The following PCDH11X variants were observed in gnomAD, a reference collection of about 807,000 sequenced individuals.
The protein encoded by PCDH11X is protocadherin 11 X-linked.
Under a neutral mutation model 53.3 loss-of-function variants are expected in PCDH11X, and 18 were observed. The observed-to-expected ratio is 0.34, with a 90% CI of 0.23 to 0.50. The LOEUF is 0.50. Among genes scored for constraint, PCDH11X ranks in the 20% least tolerant of loss-of-function variants. PCDH11X has a pLI of 0.98. For synonymous variants in PCDH11X, 279 were observed against 393.3 expected, an observed-to-expected ratio of 0.71 and a Z score of 3.44; for missense variants, 570 against 1,032.4, an observed-to-expected ratio of 0.55 and a Z score of 6.14.
At chrX:91,952,559 A>G (rs1282621614) in intron 6 of PCDH11X, among the ~76,000 whole-genome samples, 1 of 111,280 alleles carries the variant, frequency 9.0e-6, no homozygotes, top group East Asian at 2.8e-4. Context: ...GGGAAAAATC[A>G]TATTTACTTT....
rs1490958243 is a variant in PCDH11X at position 92,101,470 on chromosome X, T to G, written c.3034-99905T>G. The stretch of plus-strand genomic sequence containing the variant: ...GTGTTTTTAAAAGACCTTAGTCCAT[T>G]CTACTTTTCTTGAAGATGGAGGACT... On this transcript the variant is annotated intron_variant, in intron 6 of 10. Coordinates refer to ENST00000682573, the MANE Select transcript of PCDH11X (RefSeq NM_032968.5). Among the ~76,000 whole-genome samples, 3 of 111,553 alleles carry G rather than the reference T, an allele frequency of 2.7e-5. No homozygotes were observed. The Admixed American group carries it at 2.9e-4, about 11-fold the overall frequency.
intron 6 of PCDH11X, among the ~76,000 whole-genome samples, chrX:91,899,560 C>T (rs1021479234): frequency 4.9e-5 from 5 of 102,945 alleles, no homozygotes; most frequent in African/African-American, 1.4e-4. Flanking sequence ...AACTTGAACC[C>T]ATATACATCT....
At chrX:92,251,547 G>C (rs1263054196) in intron 7 of PCDH11X, among the ~76,000 whole-genome samples, 2 of 111,285 alleles carry the variant, frequency 1.8e-5, no homozygotes, top group African/African-American at 6.5e-5. Context: ...TGTAAGTAGA[G>C]CAACTAGGTA....
chrX:92,548,138 A>G (rs1407624456), intron 10 of PCDH11X, among the ~76,000 whole-genome samples: 1 of 109,174 alleles, frequency 9.2e-6, no homozygotes, highest in African/African-American at 3.3e-5. Context: ...CTTTCCTGCA[A>G]TTCTATTTTT....
chrX:92,336,725 G>A lies in PCDH11X; in HGVS notation c.3145-51010G>A, dbSNP rs1260176052. On this transcript the variant is annotated intron_variant, in intron 8 of 10. Coordinates refer to ENST00000682573, the MANE Select transcript of PCDH11X (RefSeq NM_032968.5). The stretch of plus-strand genomic sequence containing the variant: ...AATATTTCTCACACTTATGAGTCAC[G>A]CAATGCATGGACAGCTTTTATCTCT... Among the ~76,000 whole-genome samples, 11 of 111,382 alleles carry A rather than the reference G, an allele frequency of 9.9e-5. No homozygotes were observed. In the Admixed American group the frequency reaches 1.1e-3, roughly 11 times the overall value.
At chrX:92,358,836 A>G (rs1349030356) in intron 8 of PCDH11X, among the ~76,000 whole-genome samples, 2 of 109,993 alleles carry the variant, frequency 1.8e-5, no homozygotes, top group African/African-American at 6.6e-5. Context: ...TCTATTATAA[A>G]TTCTTCTCAT....
intron 6 of PCDH11X, among the ~76,000 whole-genome samples, chrX:92,186,129 G>C (rs2066088505): frequency 9.3e-6 from 1 of 107,525 alleles, no homozygotes; most frequent in Non-Finnish European, 1.9e-5. Flanking sequence ...ACAAATGAAT[G>C]ATAAAGAAAA....
At chrX:92,475,854 G>A (rs1460186844) in intron 10 of PCDH11X, among the ~76,000 whole-genome samples, 18 of 111,632 alleles carry the variant, frequency 1.6e-4, no homozygotes, top group African/African-American at 5.9e-4. Flanking sequence ...AGATTCTGTA[G>A]TTGTATGTCA....
chrX:92,487,975 T>C (rs777632973), intron 10 of PCDH11X, among the ~76,000 whole-genome samples: 2 of 112,812 alleles, frequency 1.8e-5, no homozygotes, highest in Non-Finnish European at 3.7e-5. Flanking sequence ...CGTCTCACTC[T>C]GTTGCCCAGC....
chrX:92,322,729 G>C (rs2069243601), intron 8 of PCDH11X, among the ~76,000 whole-genome samples: 1 of 111,639 alleles, frequency 9.0e-6, no homozygotes, highest in Non-Finnish European at 1.9e-5. Context: ...CACTCATAAA[G>C]TCTATTGCCA....
At chrX:91,981,803 TAGGTTTCA>T (rs1270906471) in intron 6 of PCDH11X, among the ~76,000 whole-genome samples, 1 of 105,967 alleles carries the variant, frequency 9.4e-6, no homozygotes, top group African/African-American at 3.4e-5. Flanking sequence ...TTCTTTTTTT[TAGGTTTCA>T]ATATTTTATT....
At chrX:91,886,192 A>G (rs1010992366) in intron 6 of PCDH11X, among the ~76,000 whole-genome samples, 1 of 111,747 alleles carries the variant, frequency 8.9e-6, no homozygotes, top group African/African-American at 3.3e-5. Flanking sequence ...GTTCTCAGAT[A>G]TCTCCAACCT....
intron 5 of PCDH11X, among the ~76,000 whole-genome samples, chrX:91,857,116 G>A (rs1235152963): frequency 2.7e-5 from 3 of 111,488 alleles, no homozygotes; most frequent in African/African-American, 9.8e-5. Context: ...GGCTGGAGAG[G>A]CCTCACAATC....
intron 6 of PCDH11X, among the ~76,000 whole-genome samples, chrX:91,925,908 C>T (rs770021192): frequency 6.4e-5 from 7 of 108,599 alleles, no homozygotes; most frequent in Non-Finnish European, 1.1e-4. Flanking sequence ...GATAGGTTTT[C>T]TTTCTTGGTA....
At chrX:92,197,741 A>T (rs2066315357) in intron 6 of PCDH11X, among the ~76,000 whole-genome samples, 1 of 111,783 alleles carries the variant, frequency 8.9e-6, no homozygotes, top group Non-Finnish European at 1.9e-5. Context: ...ATAATGTATC[A>T]GTTATACCCA....
At chrX:92,499,698 G>GGTAT (rs1363064897) in intron 10 of PCDH11X, among the ~76,000 whole-genome samples, 1 of 89,421 alleles carries the variant, frequency 1.1e-5, no homozygotes, top group Non-Finnish European at 2.1e-5. Context: ...CAGGTGTGGT[G>GGTAT]GTATGTGACT....
At chrX:92,065,708 GA>G (rs2063598267) in intron 6 of PCDH11X, among the ~76,000 whole-genome samples, 2 of 109,078 alleles carry the variant, frequency 1.8e-5, no homozygotes, top group South Asian at 7.7e-4. Flanking sequence ...TGGATTGTTA[GA>G]TTTTTTTTCC....
intron 6 of PCDH11X, among the ~76,000 whole-genome samples, chrX:92,136,907 A>AT (rs1322322972): frequency 1.9e-5 from 2 of 105,200 alleles, no homozygotes; most frequent in African/African-American, 6.9e-5. Context: ...TTCCCTAAAA[A>AT]TTTTTACCTT....
intron 8 of PCDH11X, among the ~76,000 whole-genome samples, chrX:92,375,164 A>T (rs201877622): frequency 0.087 from 866 of 9,907 alleles, 80 homozygotes; most frequent in East Asian, 0.48. Context: ...ATATATATAT[A>T]TATTTTTTTT....
Sources: allele counts gnomAD v4.1 joint callset (sites outside exome capture counted in the v4.1 genomes callset), GRCh38; gene constraint gnomAD v4.1.1; transcripts MANE v1.5; gene names NCBI Gene and HGNC (gene_info 2026-07-23, HGNC 2026-07-21).